MACROH2A2: variants seen among roughly 807,000 people sequenced by gnomAD.
MACROH2A2 encodes the protein core histone macro-H2A.2.
A neutral mutation model predicts 37.6 loss-of-function variants in MACROH2A2; 6 were observed. The observed-to-expected ratio is 0.16, with a 90% confidence interval of 0.09 to 0.32. The LOEUF is 0.32. Among genes scored for constraint, MACROH2A2 ranks in the 10% least tolerant of loss-of-function variants. The pLI is 1.00. For missense variants in MACROH2A2, 290 were observed against 485.9 expected (o/e 0.60, Z 3.79); for synonymous variants, 192 against 202.7 (o/e 0.95, Z 0.45).
At chr10:70,104,456 C>T (rs544773084) in intron 7 of MACROH2A2, among the ~76,000 whole-genome samples, 2 of 151,944 alleles carry the variant, frequency 1.3e-5, no homozygotes, top group South Asian at 4.2e-4. Flanking sequence ...GCGGGTGGCT[C>T]ACCTGAGGTC....
At chr10:70,094,826 C>G (rs7902773) in intron 5 of MACROH2A2, among the ~76,000 whole-genome samples, 33,701 of 152,154 alleles carry the variant, frequency 0.22, 4,000 homozygotes, top group African/African-American at 0.29. Context: ...ACTGTGGTCT[C>G]CAAAGGGCAA....
intron 1 of MACROH2A2, among the ~76,000 whole-genome samples, chr10:70,054,018 A>C (rs1460821156): frequency 6.6e-6 from 1 of 152,032 alleles, no homozygotes; most frequent in Non-Finnish European, 1.5e-5. Flanking sequence ...AGCCCCCCGG[A>C]TCGCCCGTGG....
intron 1 of MACROH2A2, among the ~76,000 whole-genome samples, chr10:70,054,691 T>A (rs1442579761): frequency 6.6e-6 from 1 of 152,248 alleles, no homozygotes. Context: ...ATTTTCAAAC[T>A]AAATGTTAAG....
intron 1 of MACROH2A2, among the ~76,000 whole-genome samples, chr10:70,059,123 G>A (rs1272155336): frequency 6.6e-6 from 1 of 152,122 alleles, no homozygotes; most frequent in Non-Finnish European, 1.5e-5. Flanking sequence ...ATTTATCCTG[G>A]TTGCTCTATC....
chr10:70,058,326 T>G, intron 1 of MACROH2A2, among the ~76,000 whole-genome samples: 1 of 152,190 alleles, frequency 6.6e-6, no homozygotes, highest in East Asian at 1.9e-4. Context: ...AAGTCAAAAT[T>G]CTCATGCTTT....
intron 6 of MACROH2A2, among the ~76,000 whole-genome samples, chr10:70,097,549 A>T (rs1190882748): frequency 6.6e-6 from 1 of 152,204 alleles, no homozygotes; most frequent in Non-Finnish European, 1.5e-5. Flanking sequence ...AAGCATACAC[A>T]AAAAATAACA....
rs532254959 is a variant in MACROH2A2 at position 70,086,603 on chromosome 10, T to C, written c.173-3457T>C. ...GTAGTGCTTCCCATGGCCCTGCCTC[T>C]TATTGCTGACAGTTAATTTGATGAA... is the stretch of plus-strand genomic sequence containing the variant. On this transcript the variant is annotated intron_variant, in intron 2 of 8. Transcript: ENST00000373255. Among the ~76,000 whole-genome samples, 8 of 152,334 alleles carry C rather than the reference T, an allele frequency of 5.3e-5. No homozygotes were observed. In the East Asian group the frequency reaches 1.2e-3, roughly 22 times the overall value.
intron 1 of MACROH2A2, among the ~76,000 whole-genome samples, chr10:70,074,048 T>C (rs142541375): frequency 6.6e-6 from 1 of 152,364 alleles, no homozygotes; most frequent in East Asian, 1.9e-4. Context: ...TCCTTTTCTT[T>C]GCTCCTGACC....
At chr10:70,078,016 A>C (rs1235817017) in intron 2 of MACROH2A2, among the ~76,000 whole-genome samples, 1 of 152,214 alleles carries the variant, frequency 6.6e-6, no homozygotes, top group Non-Finnish European at 1.5e-5. Flanking sequence ...GCTGCCCTAC[A>C]CTACCCCAAT....
At chr10:70,085,370 G>A (rs1409184106) in intron 2 of MACROH2A2, among the ~76,000 whole-genome samples, 2 of 152,150 alleles carry the variant, frequency 1.3e-5, no homozygotes, top group Non-Finnish European at 2.9e-5. Context: ...CATGAGTCCA[G>A]TGGGGTTTTA....
chr10:70,061,710 T>C (rs2072051330), intron 1 of MACROH2A2, among the ~76,000 whole-genome samples: 1 of 152,210 alleles, frequency 6.6e-6, no homozygotes, highest in African/African-American at 2.4e-5. Context: ...CTTGAAATAC[T>C]TTTTTAAAAG....
In MACROH2A2 at chr10:70,070,296, G is replaced by T. The variant is rs137868318; in HGVS notation, c.-59-5304G>T. Among the ~76,000 whole-genome samples, 987 of 152,276 alleles carry T rather than the reference G, an allele frequency of 6.5e-3. 12 individuals carry two copies. Among genetic ancestry groups the T allele is most frequent in the African/African-American group, 0.023 (953 of 41,550 alleles). ...AGATGGAGCTGCATCCCCCACCCAG[G>T]GGGATTTCCTCTAAGGCCCTCACTT... On this transcript the variant is annotated intron_variant, in intron 1 of 8. Transcript: ENST00000373255.
intron 2 of MACROH2A2, among the ~76,000 whole-genome samples, chr10:70,083,052 G>T (rs1480182373): frequency 4.6e-5 from 7 of 151,708 alleles, no homozygotes; most frequent in Non-Finnish European, 1.0e-4. Flanking sequence ...CCACCAAAGG[G>T]ATTCCCAGCA....
chr10:70,095,540 A>G (rs2072271745), intron 5 of MACROH2A2, 114 bp from the exon 6 acceptor site: 12 of 635,854 alleles, frequency 1.9e-5, no homozygotes, highest in Admixed American at 1.3e-4. Flanking sequence ...TGCAGCCCCT[A>G]TGTTGACATT....
chr10:70,070,949 C>T (rs939356210), intron 1 of MACROH2A2, among the ~76,000 whole-genome samples: 13 of 150,546 alleles, frequency 8.6e-5, no homozygotes, highest in African/African-American at 3.2e-4. Flanking sequence ...CATTCTCTGG[C>T]TGTTTTGAGG....
chr10:70,089,508 C>A (rs2072231188), intron 2 of MACROH2A2, among the ~76,000 whole-genome samples: 1 of 152,164 alleles, frequency 6.6e-6, no homozygotes, highest in South Asian at 2.1e-4. Context: ...GACCAGAAAA[C>A]ACAATGGCTT....
intron 6 of MACROH2A2, 82 bp downstream of exon 6, chr10:70,095,835 C>A: frequency 1.4e-6 from 1 of 717,798 alleles, no homozygotes; most frequent in Non-Finnish European, 2.6e-6. Context: ...TCATTGTCAA[C>A]TGGCTGTCCC....
intron 1 of MACROH2A2, among the ~76,000 whole-genome samples, chr10:70,074,520 C>A (rs767456070): frequency 1.3e-5 from 2 of 152,168 alleles, no homozygotes; most frequent in Non-Finnish European, 2.9e-5. Flanking sequence ...GTCTGTCAAA[C>A]CTAACGGATG....
chr10:70,073,045 G>A (rs1020827116), intron 1 of MACROH2A2, among the ~76,000 whole-genome samples: 23 of 152,236 alleles, frequency 1.5e-4, no homozygotes, highest in African/African-American at 5.5e-4. Context: ...CGTCATATGC[G>A]GTCATTGTGG....
Sources: allele counts gnomAD v4.1 joint callset (sites outside exome capture counted in the v4.1 genomes callset), GRCh38; gene constraint gnomAD v4.1.1; transcripts MANE v1.5; gene names NCBI Gene and HGNC (gene_info 2026-07-23, HGNC 2026-07-21).